TEX11: variants seen among roughly 807,000 people sequenced by gnomAD.
The protein encoded by TEX11 is testis-expressed protein 11.
Under a neutral mutation model 84.4 loss-of-function variants are expected in TEX11, and 7 were observed. The observed-to-expected ratio is 0.08, with a 90% CI of 0.05 to 0.16. The LOEUF is 0.16. TEX11 is among the 10% of genes least tolerant of loss of function. TEX11 has a pLI of 1.00. For synonymous variants in TEX11, 264 were observed against 222.8 expected (o/e 1.18, Z -1.64); for missense variants, 551 against 660.5 (o/e 0.83, Z 1.82).
At chrX:70,567,925 T>C (rs958032318) in intron 25 of TEX11, among the ~76,000 whole-genome samples, 1 of 111,633 alleles carries the variant, frequency 9.0e-6, no homozygotes, top group African/African-American at 3.3e-5. Flanking sequence ...TTAGGTCCAC[T>C]TGGTGCAGAG....
chrX:70,645,909 T>TA (rs1192999442), intron 17 of TEX11, among the ~76,000 whole-genome samples: 18 of 103,195 alleles, frequency 1.7e-4, no homozygotes, highest in East Asian at 8.9e-4. Context: ...TTCCCAGAAA[T>TA]AAAAAAAAAA....
At chrX:70,516,944 A>G in the TEX11 span, among the ~76,000 whole-genome samples, 1 of 111,433 alleles carries the variant, frequency 9.0e-6, no homozygotes, top group African/African-American at 3.3e-5. Flanking sequence ...GTGTATAGGA[A>G]TGCTTGTGAT....
intron 7 of TEX11, among the ~76,000 whole-genome samples, chrX:70,849,377 G>T (rs180930795): frequency 6.2e-4 from 69 of 111,958 alleles, no homozygotes; most frequent in East Asian, 5.9e-3. Flanking sequence ...TCTTGCATAT[G>T]CATCCTTTAT....
At chrX:70,670,201 T>A (rs2090010325) in intron 16 of TEX11, among the ~76,000 whole-genome samples, 176 bp downstream of exon 16, 1 of 112,016 alleles carries the variant, frequency 8.9e-6, no homozygotes, top group Non-Finnish European at 1.9e-5. Context: ...CTTTGGGAAG[T>A]TTCACTCTAT....
At chrX:70,528,909 T>C (rs371030034), downstream of TEX11, 8 of 434,721 alleles carry the variant, frequency 1.8e-5, no homozygotes, top group South Asian at 3.0e-4. Context: ...GAAAATTCAT[T>C]TGTCCCCCAG....
chrX:70,788,879 T>G (rs1356530109), intron 9 of TEX11, among the ~76,000 whole-genome samples: 1 of 90,518 alleles, frequency 1.1e-5, no homozygotes, highest in Non-Finnish European at 2.1e-5. Flanking sequence ...GTGCAAAGAG[T>G]CAACCTACAG....
At chrX:70,745,946 T>C (rs768444802) in intron 9 of TEX11, among the ~76,000 whole-genome samples, 27 of 111,300 alleles carry the variant, frequency 2.4e-4, no homozygotes, top group Non-Finnish European at 4.3e-4. Context: ...TAAGGAGCTC[T>C]TTAGACACTC....
intron 22 of TEX11, 45 bp downstream of exon 22, chrX:70,609,046 C>T (rs2089229162): frequency 1.9e-6 from 2 of 1,045,366 alleles, no homozygotes; most frequent in South Asian, 4.4e-5. Flanking sequence ...CTGTCTAATT[C>T]CACCACCCCA....
At chrX:70,896,991 A>T (rs1163686573) in intron 2 of TEX11, among the ~76,000 whole-genome samples, 1 of 105,537 alleles carries the variant, frequency 9.5e-6, no homozygotes, top group Non-Finnish European at 1.9e-5. Context: ...AAATAGCCAG[A>T]TGTGGTGGCG....
At chrX:70,532,568 T>C (rs983735664) in intron 28 of TEX11, among the ~76,000 whole-genome samples, 6 of 110,752 alleles carry the variant, frequency 5.4e-5, no homozygotes, top group Non-Finnish European at 1.1e-4. Context: ...AAACCCCGTC[T>C]CTACTAAAAA....
intron 28 of TEX11, among the ~76,000 whole-genome samples, chrX:70,532,253 C>A (rs943043528): frequency 2.7e-5 from 3 of 111,979 alleles, no homozygotes; most frequent in Non-Finnish European, 5.6e-5. Context: ...ATCTTGTGGG[C>A]TGGAGTGTTA....
Position 70,828,832 on chromosome X carries a change from T to C in TEX11, c.606+4681A>G, listed in dbSNP as rs188707955. Among the ~76,000 whole-genome samples the C allele has an allele frequency of 2.5e-4, 27 of 108,954 alleles. No homozygotes were observed. The East Asian group carries it at 7.2e-3, about 29-fold the overall frequency. The allele number at this position is 108,954 out of a possible 115,157, so 94.6% of individuals were successfully genotyped here. ...CCAAAGGTCAAGGATAAAGAAAGAA[T>C]CCCAAAAACAGTAAAAGAGAAGAAA... On this transcript the variant is annotated intron_variant, in intron 8 of 29. Coordinates refer to ENST00000374333, the MANE Select transcript of TEX11 (RefSeq NM_031276.3).
At chrX:70,740,331 G>A (rs191214245) in intron 11 of TEX11, among the ~76,000 whole-genome samples, 1 of 111,285 alleles carries the variant, frequency 9.0e-6, no homozygotes, top group Admixed American at 9.6e-5. Context: ...GTCCTCACAT[G>A]ATAAAAGGGG....
intron 4 of TEX11, among the ~76,000 whole-genome samples, chrX:70,861,994 T>A (rs1444962355): frequency 1.8e-5 from 2 of 110,148 alleles, no homozygotes; most frequent in African/African-American, 3.3e-5. Flanking sequence ...ATATATATAT[T>A]TTTTTCTGTA....
chrX:70,598,667 T>C (rs752679947), intron 24 of TEX11, among the ~76,000 whole-genome samples: 1 of 112,327 alleles, frequency 8.9e-6, no homozygotes, highest in South Asian at 3.7e-4. Flanking sequence ...ATTTATACAA[T>C]GGAATATAAT....
At chrX:70,623,119 G>A (rs1363343945) in intron 20 of TEX11, among the ~76,000 whole-genome samples, 1 of 111,675 alleles carries the variant, frequency 9.0e-6, no homozygotes, top group African/African-American at 3.2e-5. Flanking sequence ...TAAGTCATCT[G>A]TCCTATGTTA....
At chrX:70,845,576 C>T (rs1460454593) in intron 7 of TEX11, among the ~76,000 whole-genome samples, 2 of 110,583 alleles carry the variant, frequency 1.8e-5, no homozygotes, top group East Asian at 5.8e-4. Context: ...GCCCGTAATC[C>T]CAGCACTTTG....
intron 5 of TEX11, among the ~76,000 whole-genome samples, chrX:70,858,733 G>T (rs1041680591): frequency 9.0e-6 from 1 of 111,704 alleles, no homozygotes; most frequent in Non-Finnish European, 1.9e-5. Flanking sequence ...TGTTGAATTT[G>T]CTTGAAAATA....
chrX:70,796,809 A>G (rs938670214), intron 9 of TEX11, among the ~76,000 whole-genome samples: 6 of 112,319 alleles, frequency 5.3e-5, no homozygotes, highest in African/African-American at 1.9e-4. Context: ...AAAGACATGA[A>G]CAGACAATTC....
Sources: allele counts gnomAD v4.1 joint callset (sites outside exome capture counted in the v4.1 genomes callset), GRCh38; gene constraint gnomAD v4.1.1; transcripts MANE v1.5; gene names NCBI Gene and HGNC (gene_info 2026-07-23, HGNC 2026-07-21).